The following ROBO2 variants were observed in gnomAD, a reference collection of about 807,000 sequenced individuals.
The protein encoded by ROBO2 is roundabout guidance receptor 2.
A neutral mutation model predicts 160.8 loss-of-function variants in ROBO2; 53 were observed. That is an observed-to-expected ratio of 0.33 (90% confidence interval 0.26 to 0.41). The LOEUF (loss-of-function observed/expected upper bound fraction) is 0.41. Ranked by LOEUF, ROBO2 falls within the 10% of genes least tolerant of loss-of-function variation. ROBO2 has a pLI of 1.00. For missense variants in ROBO2, 1,577 were observed against 1,722.4 expected (o/e 0.92, Z 1.49); for synonymous variants, 664 against 611.7 (o/e 1.09, Z -1.26).
intron 1 of ROBO2, among the ~76,000 whole-genome samples, chr3:77,095,281 A>C (rs1166866012): frequency 6.6e-6 from 1 of 152,150 alleles, no homozygotes; most frequent in African/African-American, 2.4e-5. Context: ...TGTAATGATA[A>C]ATGAGTAAAA....
At chr3:77,333,970 G>A (rs1302736614) in intron 2 of ROBO2, among the ~76,000 whole-genome samples, 1 of 152,142 alleles carries the variant, frequency 6.6e-6, no homozygotes, top group East Asian at 1.9e-4. Flanking sequence ...GATTGAGTAA[G>A]CTCTTTAAGC....
intron 6 of ROBO2, among the ~76,000 whole-genome samples, chr3:77,534,222 A>G (rs2091943241): frequency 6.6e-6 from 1 of 152,108 alleles, no homozygotes; most frequent in African/African-American, 2.4e-5. Context: ...TCAATACAGG[A>G]AAGTGAAGCC....
intron 2 of ROBO2, among the ~76,000 whole-genome samples, chr3:77,213,648 C>T (rs1456545117): frequency 6.6e-6 from 1 of 152,138 alleles, no homozygotes; most frequent in Non-Finnish European, 1.5e-5. Flanking sequence ...TCTTGCTTCT[C>T]TAGTTCTTTT....
chr3:76,542,073 C>G (rs1370992386), intron 2 of ROBO2, among the ~76,000 whole-genome samples: 1 of 152,138 alleles, frequency 6.6e-6, no homozygotes, highest in Non-Finnish European at 1.5e-5. Flanking sequence ...TTTGTCTTCT[C>G]AAAGGCTTCA....
At chr3:76,618,486 T>G (rs1039356628) in intron 2 of ROBO2, among the ~76,000 whole-genome samples, 1 of 150,730 alleles carries the variant, frequency 6.6e-6, no homozygotes, top group African/African-American at 2.4e-5. Context: ...TCAGCAATTA[T>G]ATATATAATT....
At chr3:77,178,347 T>C (rs2080357632) in intron 2 of ROBO2, among the ~76,000 whole-genome samples, 1 of 152,062 alleles carries the variant, frequency 6.6e-6, no homozygotes, top group South Asian at 2.1e-4. Context: ...CTCAAATCTC[T>C]GCCATTTAGA....
chr3:76,589,131 CTA>C (rs1417859367), intron 2 of ROBO2, among the ~76,000 whole-genome samples: 3 of 152,106 alleles, frequency 2.0e-5, no homozygotes, highest in Admixed American at 6.5e-5. Flanking sequence ...AGAAAGGAAA[CTA>C]TGTGAGATGA....
At chr3:76,723,416 T>G (rs1006278587) in intron 2 of ROBO2, among the ~76,000 whole-genome samples, 1 of 152,180 alleles carries the variant, frequency 6.6e-6, no homozygotes, top group African/African-American at 2.4e-5. Flanking sequence ...GTGACAAGAC[T>G]ATTTGTTTGC....
chr3:76,145,173 T>G (rs2071838089), intron 2 of ROBO2, among the ~76,000 whole-genome samples: 1 of 152,032 alleles, frequency 6.6e-6, no homozygotes, highest in African/African-American at 2.4e-5. Flanking sequence ...GTTCTCCCAA[T>G]GCAGTAGGCA....
intron 2 of ROBO2, among the ~76,000 whole-genome samples, chr3:77,436,840 C>T (rs1421473266): frequency 6.6e-6 from 1 of 151,808 alleles, no homozygotes; most frequent in African/African-American, 2.4e-5. Context: ...ACTATTATAG[C>T]CTGTATGCAG....
chr3:76,479,994 A>G (rs1030494927), intron 2 of ROBO2, among the ~76,000 whole-genome samples: 8 of 151,946 alleles, frequency 5.3e-5, no homozygotes, highest in African/African-American at 1.9e-4. Flanking sequence ...CAAAATAAAG[A>G]ACAACAAAAT....
At chr3:75,972,269 A>G (rs778529297) in intron 2 of ROBO2, among the ~76,000 whole-genome samples, 1 of 151,512 alleles carries the variant, frequency 6.6e-6, no homozygotes, top group East Asian at 2.0e-4. Context: ...GTGAAATACC[A>G]CAAAATAGTA....
chr3:77,143,174 C>CTTTTTT (rs10546673), intron 2 of ROBO2, among the ~76,000 whole-genome samples: 9 of 59,684 alleles, frequency 1.5e-4, no homozygotes, highest in African/African-American at 3.8e-4. Flanking sequence ...TAAACAGCAG[C>CTTTTTT]TTTTTTTTTT....
intron 2 of ROBO2, among the ~76,000 whole-genome samples, chr3:76,798,228 A>G (rs1469976890): frequency 6.8e-6 from 1 of 146,442 alleles, no homozygotes; most frequent in Non-Finnish European, 1.5e-5. Context: ...AGAAAGAAAG[A>G]GAAAGAAAGA....
At chr3:77,299,353 A>T (rs1301914264) in intron 2 of ROBO2, among the ~76,000 whole-genome samples, 1 of 152,140 alleles carries the variant, frequency 6.6e-6, no homozygotes, top group Non-Finnish European at 1.5e-5. Flanking sequence ...AAGCCTAGAG[A>T]TATATTAGTT....
chr3:76,938,724 C>A (rs1357415577), intron 2 of ROBO2, among the ~76,000 whole-genome samples: 1 of 152,024 alleles, frequency 6.6e-6, no homozygotes, highest in Non-Finnish European at 1.5e-5. Flanking sequence ...AATCCCAGCA[C>A]TTTGGGAGGC....
intron 2 of ROBO2, among the ~76,000 whole-genome samples, chr3:76,423,300 G>A (rs1559921906): frequency 6.6e-6 from 1 of 152,162 alleles, no homozygotes; most frequent in African/African-American, 2.4e-5. Context: ...AGACCCTTAA[G>A]CTGTAGTGAC....
At chr3:77,641,211 C>A (rs928210383) in intron 24 of ROBO2, among the ~76,000 whole-genome samples, 3 of 152,192 alleles carry the variant, frequency 2.0e-5, no homozygotes, top group African/African-American at 7.2e-5. Context: ...CCAAATGCAA[C>A]TTTATCCTCC....
At chr3:77,578,307 T>G (rs2093822205) in intron 15 of ROBO2, among the ~76,000 whole-genome samples, 1 of 152,116 alleles carries the variant, frequency 6.6e-6, no homozygotes, top group South Asian at 2.1e-4. Context: ...TTAGACCACA[T>G]GTGAATGAAA....
Sources: gnomAD v4.1 joint callset for allele counts (sites outside exome capture counted in the v4.1 genomes callset) on GRCh38, gnomAD v4.1.1 for gene constraint, MANE v1.5 for transcripts, NCBI Gene and HGNC (gene_info 2026-07-23, HGNC 2026-07-21) for gene names.